The following SNAPC4 variants were observed in gnomAD, a reference collection of about 807,000 sequenced individuals.
SNAPC4 encodes the protein small nuclear RNA activating complex polypeptide 4, also known as snRNA-activating protein complex subunit 4.
In SNAPC4, 127 loss-of-function variants were observed where a neutral mutation model predicts 151.3. That is an observed-to-expected ratio of 0.84 (90% CI 0.73 to 0.97). The LOEUF is 0.97. Among genes scored for constraint, SNAPC4 ranks in the 50% least tolerant of loss-of-function variants. The probability of loss-of-function intolerance (pLI) is 0.00; values close to 1 mark genes in which losing one functional copy is unlikely to be tolerated. For missense variants in SNAPC4, 2,186 were observed against 1,935.0 expected (o/e 1.13, Z -2.43); for synonymous variants, 1,002 against 824.4 (o/e 1.22, Z -3.69).
Position 136,383,264 on chromosome 9 carries a change from G to A in SNAPC4, c.1905C>T (p.His635=), listed in dbSNP as rs61731237. 3.4e-3 allele frequency: 5,455 copies of A among 1,610,430 alleles called. 107 individuals carry two copies. The African/African-American group carries it at 0.054, about 16-fold the overall frequency. ...CCTGGGCAGACCTCGGGACAGGGCC[G>A]TGGGCCCTGGCAGGGACCTGCACCG... ...TSPVQVPARA[H]GPVPRSAQAS... Residue 635 remains histidine, a synonymous_variant, in exon 16 of 24, where the codon CAC becomes CAT. Coordinates refer to ENST00000684778, the MANE Select transcript of SNAPC4 (RefSeq NM_003086.4). This position sits in a 1 kb window ranked among gnomAD's most constrained non-coding sequence, Gnocchi z 4.2.
chr9:136,390,954 C>A (rs767003634), intron 10 of SNAPC4, among the ~76,000 whole-genome samples: 9 of 152,052 alleles, frequency 5.9e-5, no homozygotes, highest in Non-Finnish European at 1.3e-4. Context: ...CCTGCCTCAG[C>A]CTCCCGAGTA....
intron 19 of SNAPC4, among the ~76,000 whole-genome samples, 191 bp from the exon 20 acceptor site, chr9:136,381,041 G>A (rs538305133): frequency 2.6e-5 from 4 of 152,278 alleles, no homozygotes; most frequent in Non-Finnish European, 4.4e-5. Context: ...CCTCCCATGA[G>A]ACCCAGGCCT....
At chr9:136,389,358 G>A (rs1244872868) in intron 10 of SNAPC4, among the ~76,000 whole-genome samples, 1 of 152,016 alleles carries the variant, frequency 6.6e-6, no homozygotes, top group Non-Finnish European at 1.5e-5. Flanking sequence ...CGTGGGGCTG[G>A]ACGTGCTGTG....
At chr9:136,397,266 G>A (rs1404739423) in intron 2 of SNAPC4, among the ~76,000 whole-genome samples, 1 of 152,158 alleles carries the variant, frequency 6.6e-6, no homozygotes, top group Non-Finnish European at 1.5e-5. Flanking sequence ...ACAGGACAAA[G>A]CTACACAGGG....
intron 7 of SNAPC4, 119 bp downstream of exon 7, chr9:136,394,130 C>G: frequency 8.5e-6 from 7 of 824,368 alleles, no homozygotes; most frequent in South Asian, 8.1e-5. Context: ...GTTGCCCAGG[C>G]TGGGCTTGAA....
At position 136,394,343 on chromosome 9, in the gene SNAPC4, C is replaced by T. The variant is rs1180076193; in HGVS notation, c.551-13G>A. 1.2e-6 allele frequency: 2 copies of T among 1,609,766 alleles called. No homozygotes were observed. Among genetic ancestry groups the T allele is most frequent in the Non-Finnish European group, 1.7e-6 (2 of 1,176,454 alleles). On this transcript the variant is annotated splice_polypyrimidine_tract_variant and intron_variant, in intron 6 of 23. Coordinates refer to ENST00000684778, the MANE Select transcript of SNAPC4 (RefSeq NM_003086.4). ...TCCCAGTTTTTCCCTGAGGAGAAGC[C>T]ACAGCATCATCACTGGGGGTCTGGA...
rs765163092 is a variant in SNAPC4, at chr9:136,383,281, C to A, written c.1888G>T (p.Val630Phe). The change falls in exon 16 of 24, where the codon GTC (valine) becomes TTC (phenylalanine). Residue 630 changes from valine (V) to phenylalanine (F), a missense_variant. Physicochemically the swap from Val to Phe is conservative, Grantham distance 50. Transcript: ENST00000684778. The surrounding 1 kb of genome is among the most constrained non-coding windows in gnomAD (Gnocchi z 4.2). ...ACAGGGCCGTGGGCCCTGGCAGGGA[C>A]CTGCACCGGACTCGTCTCCTCTCCA... is the stretch of plus-strand genomic sequence containing the variant. ...APGEETSPVQVPARAHGPVPR... is the reference protein window; with the variant it reads ...APGEETSPVQFPARAHGPVPR... 7 of 1,612,048 alleles carry A rather than the reference C, an allele frequency of 4.3e-6. No individual in the cohort carries two copies. The highest frequency in any genetic ancestry group is 2.2e-5 in the East Asian group (1 of 44,878).
At chr9:136,395,807 G>A (rs1432645500) in intron 3 of SNAPC4, 37 bp from the exon 4 acceptor site, 2 of 1,585,528 alleles carry the variant, frequency 1.3e-6, no homozygotes, top group African/African-American at 1.3e-5. Flanking sequence ...GACGAGATGA[G>A]ACGTGGATGC....
intron 1 of SNAPC4, among the ~76,000 whole-genome samples, chr9:136,399,086 G>A (rs1268920739): frequency 6.6e-6 from 1 of 152,244 alleles, no homozygotes; most frequent in Non-Finnish European, 1.5e-5. Flanking sequence ...TGTGGTCCAG[G>A]AAGTCTGAAG....
At position 136,383,266 on chromosome 9, in the gene SNAPC4, G is replaced by A. The variant is rs371959533; in HGVS notation, c.1903C>T (p.His635Tyr). ...TGGGCAGACCTCGGGACAGGGCCGT[G>A]GGCCCTGGCAGGGACCTGCACCGGA... ...TSPVQVPARA[H>Y]GPVPRSAQAS... Residue 635 changes from histidine to tyrosine, a missense_variant, in exon 16 of 24, where the codon CAC becomes TAC. Physicochemically the swap from His to Tyr is moderately conservative, Grantham distance 83. Coordinates refer to ENST00000684778, the MANE Select transcript of SNAPC4 (RefSeq NM_003086.4). The surrounding 1 kb of genome is among the most constrained non-coding windows in gnomAD (Gnocchi z 4.2). 4.3e-6 allele frequency: 7 copies of A among 1,610,802 alleles called. No homozygotes were observed. Among genetic ancestry groups the A allele is most frequent in the Non-Finnish European group, 5.9e-6 (7 of 1,178,890 alleles).
At position 136,400,164 on chromosome 9, in the gene SNAPC4, C is replaced by G. The variant is rs1201266872; in HGVS notation, c.-40G>C. On this transcript the variant is annotated 5_prime_UTR_variant, in exon 1 of 24. Coordinates refer to ENST00000684778, the MANE Select transcript of SNAPC4 (RefSeq NM_003086.4). ...CGCGCGGACCCCGCCGTCGCCCGGG[C>G]GACTGCAGACTCGACGCTTCCGGCG... 6.6e-6 allele frequency: 1 copy of G among 152,118 alleles called. No individual in the cohort carries two copies. Among genetic ancestry groups the G allele is most frequent in the African/African-American group, 2.4e-5 (1 of 41,424 alleles). The allele number at this position is 152,118 out of a possible 1,614,324, so 9.4% of individuals were successfully genotyped here.
intron 5 of SNAPC4, 58 bp downstream of exon 5, chr9:136,395,240 A>G: frequency 6.4e-7 from 1 of 1,573,708 alleles, no homozygotes. Flanking sequence ...ACTTGGGGAC[A>G]AGAACCCTTC....
At chr9:136,385,683 G>A (rs1010599960) in intron 13 of SNAPC4, among the ~76,000 whole-genome samples, 1 of 151,994 alleles carries the variant, frequency 6.6e-6, no homozygotes, top group African/African-American at 2.4e-5. Context: ...AGCCTCCCGA[G>A]TAGCTGGGAT....
chr9:136,388,095 C>A (rs1295992365), intron 11 of SNAPC4, among the ~76,000 whole-genome samples: 3 of 152,098 alleles, frequency 2.0e-5, no homozygotes, highest in Non-Finnish European at 2.9e-5. Context: ...TGGTGAAACC[C>A]CGTCTCTACT....
At chr9:136,395,807 G>C in intron 3 of SNAPC4, 37 bp from the exon 4 acceptor site, 1 of 1,585,646 alleles carries the variant, frequency 6.3e-7, no homozygotes, top group Non-Finnish European at 8.6e-7. Context: ...GACGAGATGA[G>C]ACGTGGATGC....
chr9:136,397,643 AGGGGAGCACGTGGGGAGGGGAGCACGTG>A (rs1834320382), intron 2 of SNAPC4, among the ~76,000 whole-genome samples: 1 of 63,596 alleles, frequency 1.6e-5, no homozygotes, highest in Admixed American at 1.9e-4. Context: ...GCACGTGGGG[AGGGGAGCACGTGGGGAGGGGAGCACGTG>A]GGGAGGGGAG....
rs757716597 is a variant in SNAPC4, at chr9:136,384,820, C to G, written c.1326-6G>C. On this transcript the variant is annotated splice_region_variant and splice_polypyrimidine_tract_variant and intron_variant, in intron 13 of 23. Transcript: ENST00000684778. ...AATGTAATCTCCTGAGATACCTGAACGTGACATGAAAAGCAAAGAACGTTT... is the reference window on the plus strand; with the variant it reads ...AATGTAATCTCCTGAGATACCTGAAGGTGACATGAAAAGCAAAGAACGTTT... 1.9e-6 allele frequency: 3 copies of G among 1,543,132 alleles called. No individual in the cohort carries two copies. Among genetic ancestry groups the G allele is most frequent in the Non-Finnish European group, 1.8e-6 (2 of 1,134,170 alleles).
chr9:136,377,544 T>A lies in SNAPC4; in HGVS notation c.4283A>T (p.Gln1428Leu). 1.3e-6 allele frequency: 2 copies of A among 1,506,900 alleles called. No homozygotes were observed. The highest frequency in any genetic ancestry group is 3.6e-4 in the Middle Eastern group (2 of 5,548). The allele number at this position is 1,506,900 out of a possible 1,614,324, so 93.3% of individuals were successfully genotyped here. ...AGTGGGGCTGGGCGCCCACCCTACCTGAATGGGGCATGTGGCTGTCGTGCA... is the reference window on the plus strand; with the variant it reads ...AGTGGGGCTGGGCGCCCACCCTACCAGAATGGGGCATGTGGCTGTCGTGCA... ...PGCTTATCPI[Q>L]GAPDSGKCSA... is the part of the protein sequence containing the mutation. Residue 1428 changes from glutamine to leucine, a missense_variant and splice_region_variant, in exon 22 of 24, where the codon CAG becomes CTG. By Grantham distance (113) the Gln-to-Leu change is moderately radical. Coordinates refer to ENST00000684778, the MANE Select transcript of SNAPC4 (RefSeq NM_003086.4).
chr9:136,379,114 CCTCCTGAAGCCGCTT>C lies in SNAPC4; in HGVS notation c.2698_2712del (p.Lys900_Glu904del), dbSNP rs1195943877. ...CCCCGGGTGGCCTCCCTGGCACGGG[CCTCCTGAAGCCGCTT>C]CTCCTGAAGCAGCTCCGACACAGTC... On this transcript the variant is annotated inframe_deletion, in exon 22 of 24. Transcript: ENST00000684778. 16 of 1,560,102 alleles carry C rather than the reference CCTCCTGAAGCCGCTT, an allele frequency of 1.0e-5. No individual in the cohort carries two copies. The East Asian group carries it at 1.4e-4, about 13-fold the overall frequency.
Sources: gnomAD v4.1 joint callset for allele counts (sites outside exome capture counted in the v4.1 genomes callset) on GRCh38, gnomAD v4.1.1 for gene constraint, Gnocchi (gnomAD v3.1) non-coding constraint, MANE v1.5 for transcripts, NCBI Gene and HGNC (gene_info 2026-07-23, HGNC 2026-07-21) for gene names.